ITGBL1: variants seen among roughly 807,000 people sequenced by gnomAD.
The protein encoded by ITGBL1 is integrin beta-like protein 1.
In ITGBL1, 51 loss-of-function variants were observed where a neutral mutation model predicts 68.5. The ratio of observed to expected loss-of-function variants is 0.74; its 90% CI spans 0.59 to 0.94. The LOEUF is 0.94. Among genes scored for constraint, ITGBL1 ranks in the 40% least tolerant of loss-of-function variants. ITGBL1 has a pLI of 0.00. For missense variants in ITGBL1, 649 were observed against 647.4 expected (o/e 1.00, Z -0.03); for synonymous variants, 209 against 227.3 (o/e 0.92, Z 0.72).
intron 9 of ITGBL1, chr13:101,710,971 G>A (rs1490934954): frequency 6.6e-6 from 1 of 152,184 alleles, no homozygotes; most frequent in Non-Finnish European, 1.5e-5. Flanking sequence ...GCAGCATTTT[G>A]TCAGGCTTGA....
intron 6 of ITGBL1, among the ~76,000 whole-genome samples, chr13:101,593,196 C>T (rs1194973374): frequency 6.6e-6 from 1 of 151,952 alleles, no homozygotes; most frequent in Non-Finnish European, 1.5e-5. Flanking sequence ...ATCAACTCCA[C>T]AGTGAGATAC....
rs1279220322 is a variant in ITGBL1 at position 101,635,157 on chromosome 13, G to GA, written c.1015+36867dup. Among the ~76,000 whole-genome samples the GA allele has an allele frequency of 8.0e-5, 12 of 150,858 alleles. No individual in the cohort carries two copies. In the South Asian group the frequency reaches 1.3e-3, roughly 16 times the overall value. On this transcript the variant is annotated intron_variant, in intron 7 of 10. Transcript: ENST00000376180. ...TTCGTATCATTCATACAGACTTTTA[G>GA]AAAAAAAAATTGGTTCCCTAAATTA...
At chr13:101,542,439 G>T (rs1020655052) in intron 2 of ITGBL1, among the ~76,000 whole-genome samples, 1 of 152,122 alleles carries the variant, frequency 6.6e-6, no homozygotes, top group Non-Finnish European at 1.5e-5. Flanking sequence ...TGTAATTTCC[G>T]TTCTTTTACA....
intron 2 of ITGBL1, among the ~76,000 whole-genome samples, chr13:101,482,590 A>G (rs925797764): frequency 9.2e-5 from 14 of 152,170 alleles, no homozygotes; most frequent in African/African-American, 3.4e-4. Flanking sequence ...TAAATATACC[A>G]TGAAATTTAT....
intron 6 of ITGBL1, among the ~76,000 whole-genome samples, chr13:101,594,676 C>T (rs2139315725): frequency 6.6e-6 from 1 of 152,166 alleles, no homozygotes; most frequent in South Asian, 2.1e-4. Context: ...ATTTGCAAAC[C>T]ATATATCCAA....
downstream of ITGBL1, chr13:101,716,791 C>CAAAAAA (rs35542915): frequency 1.4e-5 from 2 of 141,236 alleles, no homozygotes. Context: ...CACAAAAGAC[C>CAAAAAA]AAAAAAAAAA....
rs115591922 is a variant in ITGBL1 at position 101,554,184 on chromosome 13, G to A, written c.317-13515G>A. 4.5e-3 allele frequency among the ~76,000 whole-genome samples: 687 copies of A among 152,210 alleles called. 3 individuals are homozygous for A. The highest frequency in any genetic ancestry group is 0.016 in the African/African-American group (656 of 41,518). ...TACAACCACCCTATTTCCAAATAAG[G>A]TTACATTCTGTGGTACTGGGGTCTA... On this transcript the variant is annotated intron_variant, in intron 2 of 10. Coordinates refer to ENST00000376180, the MANE Select transcript of ITGBL1 (RefSeq NM_004791.3).
chr13:101,563,389 G>C (rs1007287381), intron 2 of ITGBL1, among the ~76,000 whole-genome samples: 1 of 151,640 alleles, frequency 6.6e-6, no homozygotes, highest in Non-Finnish European at 1.5e-5. Context: ...CAATAAAATT[G>C]ATTTATTTTT....
chr13:101,535,492 T>A (rs886064083), intron 2 of ITGBL1, among the ~76,000 whole-genome samples: 1 of 152,128 alleles, frequency 6.6e-6, no homozygotes, highest in African/African-American at 2.4e-5. Flanking sequence ...CATCTTTGAA[T>A]CCCTATTAAA....
At chr13:101,553,327 T>G (rs2049951256) in intron 2 of ITGBL1, among the ~76,000 whole-genome samples, 1 of 152,162 alleles carries the variant, frequency 6.6e-6, no homozygotes, top group South Asian at 2.1e-4. Context: ...ATTTAATTAT[T>G]TCTCCCAAGA....
intron 2 of ITGBL1, among the ~76,000 whole-genome samples, chr13:101,485,755 G>A (rs774567669): frequency 7.9e-5 from 12 of 152,092 alleles, no homozygotes; most frequent in Non-Finnish European, 1.8e-4. Flanking sequence ...TCACGCCACT[G>A]TACTCCAGCC....
chr13:101,719,906 A>T (rs1250058894), downstream of ITGBL1: 1 of 152,130 alleles, frequency 6.6e-6, no homozygotes, highest in African/African-American at 2.4e-5. Flanking sequence ...AACAAATAGC[A>T]AGAGAGGTAT....
In ITGBL1 at chr13:101,700,262, C is replaced by T. The variant is rs566500527; in HGVS notation, c.1133-6494C>T. Among the ~76,000 whole-genome samples the T allele has an allele frequency of 2.4e-4, 36 of 152,262 alleles. 1 individual carries two copies. In the South Asian group the frequency reaches 7.3e-3, roughly 31 times the overall value. On this transcript the variant is annotated intron_variant, in intron 8 of 10. Coordinates refer to ENST00000376180, the MANE Select transcript of ITGBL1 (RefSeq NM_004791.3). ...CCTCTTTCTCCTGAAGTGCCCCTAC[C>T]CAATAAACAGCATCATTATTCACAC...
At chr13:101,534,076 AACAGCATCATAATCAGC>A (rs778897481) in intron 2 of ITGBL1, among the ~76,000 whole-genome samples, 4 of 152,202 alleles carry the variant, frequency 2.6e-5, no homozygotes, top group Non-Finnish European at 5.9e-5. Flanking sequence ...ATAACTGGCC[AACAGCATCATAATCAGC>A]ACAGTCTAAT....
intron 7 of ITGBL1, among the ~76,000 whole-genome samples, chr13:101,671,871 G>A (rs2139505789): frequency 1.3e-5 from 2 of 152,210 alleles, no homozygotes; most frequent in Middle Eastern, 6.8e-3. Flanking sequence ...AGTTCAATAA[G>A]AATCTGCTTT....
intron 7 of ITGBL1, among the ~76,000 whole-genome samples, chr13:101,690,192 C>T (rs181218379): frequency 1.6e-3 from 242 of 152,026 alleles, no homozygotes; most frequent in African/African-American, 5.3e-3. Context: ...GAAAATGTGC[C>T]GACGCCAGAA....
At chr13:101,508,283 T>A (rs1594854250) in intron 2 of ITGBL1, among the ~76,000 whole-genome samples, 2 of 152,330 alleles carry the variant, frequency 1.3e-5, no homozygotes, top group Admixed American at 6.5e-5. Flanking sequence ...ACATTTGTAA[T>A]ACGATCAATT....
intron 6 of ITGBL1, among the ~76,000 whole-genome samples, chr13:101,597,214 G>A (rs1422794748): frequency 6.6e-6 from 1 of 152,062 alleles, no homozygotes; most frequent in East Asian, 1.9e-4. Flanking sequence ...GTTTTGCTGT[G>A]CACCTAAAAC....
At chr13:101,573,944 C>T (rs2050313650) in intron 3 of ITGBL1, among the ~76,000 whole-genome samples, 1 of 152,112 alleles carries the variant, frequency 6.6e-6, no homozygotes, top group Non-Finnish European at 1.5e-5. Flanking sequence ...CCATTCTAAA[C>T]TCATCGCATC....
Sources: gnomAD v4.1 joint callset for allele counts (sites outside exome capture counted in the v4.1 genomes callset) on GRCh38, gnomAD v4.1.1 for gene constraint, MANE v1.5 for transcripts, NCBI Gene and HGNC (gene_info 2026-07-23, HGNC 2026-07-21) for gene names.